SPG11: variants seen among roughly 807,000 people sequenced by gnomAD.
The protein encoded by SPG11 is SPG11 vesicle trafficking associated, spatacsin.
Under a neutral mutation model 274.0 loss-of-function variants are expected in SPG11, and 222 were observed. The ratio of observed to expected loss-of-function variants is 0.81; its 90% confidence interval spans 0.73 to 0.91. The LOEUF is 0.91. SPG11 is among the 40% of genes least tolerant of loss of function. The pLI, the probability that SPG11 is intolerant of heterozygous loss-of-function variation, is 0.00. For synonymous variants in SPG11, 1,144 were observed against 1,039.7 expected (o/e 1.10, Z -1.93); for missense variants, 3,114 against 2,872.7 (o/e 1.08, Z -1.92).
chr15:44,653,255 G>A (rs537916801), intron 4 of SPG11, among the ~76,000 whole-genome samples: 1 of 152,082 alleles, frequency 6.6e-6, no homozygotes, highest in African/African-American at 2.4e-5. Context: ...AGTAGCTAGG[G>A]GAAGAAGGGG....
intron 33 of SPG11, among the ~76,000 whole-genome samples, chr15:44,571,291 G>A (rs1022981469): frequency 6.6e-6 from 1 of 151,906 alleles, no homozygotes; most frequent in Non-Finnish European, 1.5e-5. Context: ...TCAGGCCTTC[G>A]TTTGGACATT....
intron 7 of SPG11, among the ~76,000 whole-genome samples, chr15:44,641,502 A>G (rs1297908634): frequency 1.3e-5 from 2 of 151,928 alleles, no homozygotes; most frequent in Non-Finnish European, 2.9e-5. Flanking sequence ...CTATAAACCA[A>G]TAAGAAAAAG....
rs756973532 is a variant in SPG11, at chr15:44,596,313, G to A, written c.4204C>T (p.His1402Tyr). 7.4e-6 allele frequency: 12 copies of A among 1,614,136 alleles called. No homozygotes were observed. In the East Asian group the frequency reaches 2.7e-4, roughly 36 times the overall value. Residue 1402 changes from histidine to tyrosine, a missense_variant, in exon 25 of 40, where the codon CAC becomes TAC. Coordinates refer to ENST00000261866, the MANE Select transcript of SPG11 (RefSeq NM_025137.4). ...AAGTTCTCAAAAGCCAGCCTTAAGT[G>A]GTCTTGAATGACTGGGCTGAAGTAC... ...IQYFSPVIQD[H>Y]LRLAFENLPS...
Position 44,598,272 on chromosome 15 carries a change from T to C in SPG11, c.3994A>G (p.Ile1332Val). 6.2e-7 allele frequency: 1 copy of C among 1,613,012 alleles called. No individual in the cohort carries two copies. Among genetic ancestry groups the C allele is most frequent in the Non-Finnish European group, 8.5e-7 (1 of 1,179,002 alleles). ...GTWNSIQQQE[I>V]KRLSSESSSQ... ...AGACTGCAACTCACAAACCTCTTTA[T>C]TTCCTGTTGCTGAATGCTGTTCCAT... Residue 1332 changes from isoleucine (I) to valine (V), a missense_variant, in exon 23 of 40, where the codon ATA (isoleucine) becomes GTA (valine). By Grantham distance (29) the Ile-to-Val change is conservative (BLOSUM62 3). Transcript: ENST00000261866.
In SPG11 at chr15:44,615,039, A is replaced by G. The variant is rs190702405; in HGVS notation, c.3038+324T>C. On this transcript the variant is annotated intron_variant, in intron 16 of 39. Coordinates refer to ENST00000261866, the MANE Select transcript of SPG11 (RefSeq NM_025137.4). ...TTAGCATTCTCTTGGTAATCAAAGTATCAAAGAAAACTCCAAGTAAAACTT... is the reference window on the plus strand; with the variant it reads ...TTAGCATTCTCTTGGTAATCAAAGTGTCAAAGAAAACTCCAAGTAAAACTT... Among the ~76,000 whole-genome samples the G allele has an allele frequency of 5.9e-5, 9 of 152,362 alleles. No homozygotes were observed. The East Asian group carries it at 1.7e-3, about 29-fold the overall frequency.
At chr15:44,580,993 A>G (rs1450309373) in intron 30 of SPG11, among the ~76,000 whole-genome samples, 1 of 152,174 alleles carries the variant, frequency 6.6e-6, no homozygotes, top group East Asian at 1.9e-4. Flanking sequence ...GTAAACCCCA[A>G]ATAGAATAAA....
At position 44,620,421 on chromosome 15, in the gene SPG11, C is replaced by A. The variant is rs192547979; in HGVS notation, c.2621-18G>T. 1.8e-5 allele frequency: 28 copies of A among 1,549,774 alleles called. No homozygotes were observed. The African/African-American group carries it at 3.6e-4, about 20-fold the overall frequency. ...TTTGTATTCTACATGAAAAAAAACA[C>A]ATTTTAAAATATAATTAATTATGTC... On this transcript the variant is annotated intron_variant, in intron 14 of 39. Transcript: ENST00000261866.
At chr15:44,615,658 A>G (rs1353743432) in intron 15 of SPG11, 92 bp from the exon 16 acceptor site, 2 of 1,117,544 alleles carry the variant, frequency 1.8e-6, no homozygotes, top group Non-Finnish European at 2.7e-6. Context: ...AATTACTTAA[A>G]AATAAGCATT....
At chr15:44,658,870 T>C (rs1445876008) in intron 3 of SPG11, among the ~76,000 whole-genome samples, 1 of 152,232 alleles carries the variant, frequency 6.6e-6, no homozygotes, top group Non-Finnish European at 1.5e-5. Context: ...ATTAAAAATG[T>C]ATATACTGGA....
chr15:44,649,529 C>A (rs1244222309), intron 6 of SPG11, among the ~76,000 whole-genome samples: 2 of 152,100 alleles, frequency 1.3e-5, no homozygotes, highest in Non-Finnish European at 2.9e-5. Context: ...ACTGCACCCA[C>A]CAAGAAAATT....
intron 18 of SPG11, 103 bp from the exon 19 acceptor site, chr15:44,608,708 G>A (rs1025680524): frequency 1.8e-6 from 2 of 1,096,562 alleles, no homozygotes; most frequent in East Asian, 2.6e-5. Flanking sequence ...CTTGAGAAGA[G>A]TATGTGGTAG....
intron 2 of SPG11, 119 bp from the exon 3 acceptor site, chr15:44,659,422 C>A: frequency 2.3e-6 from 2 of 886,310 alleles, no homozygotes; most frequent in South Asian, 1.5e-5. Flanking sequence ...CTTAGTCTAA[C>A]TTTACGCAGT....
chr15:44,597,992 G>GC (rs1444455221), intron 23 of SPG11, among the ~76,000 whole-genome samples: 2 of 152,174 alleles, frequency 1.3e-5, no homozygotes, highest in African/African-American at 2.4e-5. Flanking sequence ...TCTCTGACTA[G>GC]CAGGGCAGTG....
At chr15:44,644,994 G>A (rs1468444165) in intron 7 of SPG11, among the ~76,000 whole-genome samples, 2 of 152,166 alleles carry the variant, frequency 1.3e-5, no homozygotes, top group Non-Finnish European at 2.9e-5. Flanking sequence ...TGGTCATACT[G>A]ACCAAAGCAA....
intron 7 of SPG11, among the ~76,000 whole-genome samples, chr15:44,643,190 C>A (rs2141084222): frequency 6.6e-6 from 1 of 152,286 alleles, no homozygotes; most frequent in East Asian, 1.9e-4. Flanking sequence ...GGTGCTACCA[C>A]CTATGCCCAT....
At chr15:44,625,577 CTG>C (rs1233995611) in intron 11 of SPG11, among the ~76,000 whole-genome samples, 2 of 152,180 alleles carry the variant, frequency 1.3e-5, no homozygotes, top group Non-Finnish European at 2.9e-5. Flanking sequence ...TGTAAGTTTC[CTG>C]AGGCCTCCCC....
intron 16 of SPG11, 46 bp downstream of exon 16, chr15:44,615,317 A>C (rs1182704496): frequency 1.9e-6 from 3 of 1,576,680 alleles, no homozygotes; most frequent in Non-Finnish European, 2.6e-6. Context: ...ATGCAAAGAG[A>C]AAATGTGAAG....
intron 39 of SPG11, 58 bp from the exon 40 acceptor site, chr15:44,563,359 G>GAGAC (rs2082236519): frequency 1.3e-6 from 2 of 1,516,870 alleles, no homozygotes; most frequent in East Asian, 2.3e-5. Flanking sequence ...TGTTTTGTTT[G>GAGAC]AGACAGTCTT....
chr15:44,659,059 A>C lies in SPG11; in HGVS notation c.667+20T>G. 1 of 1,610,770 alleles carries C rather than the reference A, an allele frequency of 6.2e-7. No homozygotes were observed. The highest frequency in any genetic ancestry group is 8.5e-7 in the Non-Finnish European group (1 of 1,177,030). On this transcript the variant is annotated intron_variant, in intron 3 of 39. Coordinates refer to ENST00000261866, the MANE Select transcript of SPG11 (RefSeq NM_025137.4). ...TCTTCTCCTCTACGTATCAATCAAC[A>C]CTTCTACCACCAAGGATACAGATCC...
Sources: allele counts gnomAD v4.1 joint callset (sites outside exome capture counted in the v4.1 genomes callset), GRCh38; gene constraint gnomAD v4.1.1; transcripts MANE v1.5; gene names NCBI Gene and HGNC (gene_info 2026-07-23, HGNC 2026-07-21).